KCNH8: variants seen among roughly 807,000 people sequenced by gnomAD.
The protein encoded by KCNH8 is voltage-gated delayed rectifier potassium channel KCNH8.
A neutral mutation model predicts 103.6 loss-of-function variants in KCNH8; 70 were observed. That is an observed-to-expected ratio of 0.68 (90% CI 0.56 to 0.82). KCNH8 has a LOEUF of 0.82. Ranked by LOEUF, KCNH8 falls within the 40% of genes least tolerant of loss-of-function variation. The pLI, the probability that KCNH8 is intolerant of heterozygous loss-of-function variation, is 0.00. For missense variants in KCNH8, 1,217 were observed against 1,329.9 expected (o/e 0.92, Z 1.32); for synonymous variants, 498 against 489.4 (o/e 1.02, Z -0.23).
chr3:19,344,096 C>T (rs17005851), intron 4 of KCNH8, among the ~76,000 whole-genome samples: 16,253 of 151,640 alleles, frequency 0.11, 1,003 homozygotes, highest in East Asian at 0.18. Flanking sequence ...ACAGTGCACA[C>T]CACTTGATCT....
At chr3:19,275,538 A>G (rs1392858234) in intron 2 of KCNH8, among the ~76,000 whole-genome samples, 1 of 152,122 alleles carries the variant, frequency 6.6e-6, no homozygotes, top group Non-Finnish European at 1.5e-5. Context: ...TGCAGCCTAT[A>G]TGAGCTGCAT....
intron 11 of KCNH8, among the ~76,000 whole-genome samples, chr3:19,487,427 G>A (rs1174149221): frequency 6.6e-6 from 1 of 152,170 alleles, no homozygotes; most frequent in Non-Finnish European, 1.5e-5. Flanking sequence ...CAGGAGGTAG[G>A]TGTTCTATGG....
At chr3:19,158,572 T>C (rs1284553823) in intron 1 of KCNH8, among the ~76,000 whole-genome samples, 1 of 151,912 alleles carries the variant, frequency 6.6e-6, no homozygotes, top group Non-Finnish European at 1.5e-5. Context: ...GCTAGGTATT[T>C]TTATTGTTTA....
rs1037478006 is a variant in KCNH8 at position 19,270,413 on chromosome 3, G to A, written c.311-10785G>A. 9.2e-5 allele frequency among the ~76,000 whole-genome samples: 14 copies of A among 152,256 alleles called. No homozygotes were observed. In the South Asian group the frequency reaches 2.7e-3, roughly 29 times the overall value. On this transcript the variant is annotated intron_variant, in intron 2 of 15. Coordinates refer to ENST00000328405, the MANE Select transcript of KCNH8 (RefSeq NM_144633.3). ...GTATTTTTTTCTGTTGTAGGAAAAT[G>A]CCTGTAATCATATGGGAAAATGTTT...
At chr3:19,243,398 G>A (rs369497051) in intron 1 of KCNH8, among the ~76,000 whole-genome samples, 5 of 152,178 alleles carry the variant, frequency 3.3e-5, no homozygotes, top group African/African-American at 1.2e-4. Flanking sequence ...TTACAGCCAT[G>A]GAATAGCTGT....
intron 3 of KCNH8, among the ~76,000 whole-genome samples, chr3:19,316,938 C>G (rs1026395827): frequency 6.6e-6 from 1 of 151,870 alleles, no homozygotes; most frequent in Non-Finnish European, 1.5e-5. Context: ...TAGGCGGAAT[C>G]TATTCATTGA....
intron 5 of KCNH8, among the ~76,000 whole-genome samples, chr3:19,369,776 C>G (rs1222883412): frequency 6.6e-6 from 1 of 151,884 alleles, no homozygotes. Context: ...TCCTCCATCC[C>G]TTGATAAAAT....
intron 7 of KCNH8, among the ~76,000 whole-genome samples, chr3:19,423,247 G>T (rs2066977309): frequency 6.6e-6 from 1 of 151,732 alleles, no homozygotes; most frequent in Admixed American, 6.6e-5. Flanking sequence ...GGTATCTTTT[G>T]CCTTATTATT....
chr3:19,526,709 G>A (rs1050392443), intron 15 of KCNH8, among the ~76,000 whole-genome samples: 2 of 151,934 alleles, frequency 1.3e-5, no homozygotes, highest in Non-Finnish European at 2.9e-5. Context: ...AAGTGCTGGG[G>A]ACTTCCATGA....
chr3:19,389,588 T>C (rs1198161347), intron 5 of KCNH8, among the ~76,000 whole-genome samples: 1 of 152,080 alleles, frequency 6.6e-6, no homozygotes, highest in African/African-American at 2.4e-5. Context: ...AGTAATATTA[T>C]ATAAAATAAG....
At chr3:19,425,533 G>A (rs560974953) in intron 7 of KCNH8, among the ~76,000 whole-genome samples, 25 of 152,196 alleles carry the variant, frequency 1.6e-4, no homozygotes, top group African/African-American at 4.6e-4. Context: ...AGAGACTGTC[G>A]GAGAGATGGA....
At chr3:19,382,220 A>T (rs1331055762) in intron 5 of KCNH8, among the ~76,000 whole-genome samples, 1 of 152,202 alleles carries the variant, frequency 6.6e-6, no homozygotes, top group Admixed American at 6.5e-5. Flanking sequence ...CAATTCATAG[A>T]TATTACTAAA....
At chr3:19,408,066 T>G (rs2066722118) in intron 7 of KCNH8, among the ~76,000 whole-genome samples, 1 of 152,066 alleles carries the variant, frequency 6.6e-6, no homozygotes, top group Non-Finnish European at 1.5e-5. Flanking sequence ...CATGAGTCAG[T>G]GCATTGGTTG....
chr3:19,199,588 ATATGAT>A (rs1457910045), intron 1 of KCNH8, among the ~76,000 whole-genome samples: 2 of 149,560 alleles, frequency 1.3e-5, no homozygotes, highest in African/African-American at 4.9e-5. Flanking sequence ...TAAATAAAAT[ATATGAT>A]GTATTATATA....
intron 15 of KCNH8, among the ~76,000 whole-genome samples, chr3:19,520,045 T>A (rs1227665220): frequency 6.6e-6 from 1 of 151,538 alleles, no homozygotes; most frequent in South Asian, 2.1e-4. Flanking sequence ...AAACAAAATA[T>A]CTTCCCAGTA....
intron 11 of KCNH8, among the ~76,000 whole-genome samples, chr3:19,487,950 C>T (rs963070287): frequency 6.6e-5 from 10 of 152,154 alleles, no homozygotes; most frequent in South Asian, 4.1e-4. Context: ...ATGGTTTTCT[C>T]GGGTAAGGGG....
At chr3:19,439,785 C>T (rs916153440) in intron 8 of KCNH8, among the ~76,000 whole-genome samples, 2 of 150,408 alleles carry the variant, frequency 1.3e-5, no homozygotes, top group East Asian at 1.9e-4. Flanking sequence ...TAAGCAAAGA[C>T]GTAAAAGAAA....
chr3:19,303,408 A>G (rs1479667621), intron 3 of KCNH8, among the ~76,000 whole-genome samples: 1 of 152,212 alleles, frequency 6.6e-6, no homozygotes, highest in Non-Finnish European at 1.5e-5. Flanking sequence ...AGATCTGAGA[A>G]ACCTAAATCC....
At chr3:19,351,566 G>C (rs1017086187) in intron 5 of KCNH8, among the ~76,000 whole-genome samples, 12 of 152,194 alleles carry the variant, frequency 7.9e-5, no homozygotes, top group African/African-American at 2.2e-4. Flanking sequence ...CCAGAAGAGA[G>C]TGGGGACCAA....
Sources: allele counts gnomAD v4.1 joint callset (sites outside exome capture counted in the v4.1 genomes callset), GRCh38; gene constraint gnomAD v4.1.1; transcripts MANE v1.5; gene names NCBI Gene and HGNC (gene_info 2026-07-23, HGNC 2026-07-21).